Variants in PHKB observed in about 807,000 individuals in gnomAD.
PHKB encodes the protein phosphorylase kinase regulatory subunit beta.
PHKB carries 122 observed loss-of-function variants against 152.1 expected under a neutral mutation model. That is an observed-to-expected ratio of 0.80 (90% CI 0.69 to 0.93). The LOEUF (loss-of-function observed/expected upper bound fraction) is 0.93, where lower values mean the gene tolerates loss of function less well. Among genes scored for constraint, PHKB ranks in the 40% least tolerant of loss-of-function variants. The pLI is 0.00. For missense variants in PHKB, 1,304 were observed against 1,328.4 expected (o/e 0.98, Z 0.29); for synonymous variants, 436 against 464.9 (o/e 0.94, Z 0.80).
chr16:47,579,948 A>C (rs1341777576), intron 7 of PHKB, among the ~76,000 whole-genome samples: 2 of 152,118 alleles, frequency 1.3e-5, no homozygotes, highest in African/African-American at 2.4e-5. Flanking sequence ...ATTTCCTGCT[A>C]ATTACTGCAC....
chr16:47,631,838 G>A (rs559118185), intron 14 of PHKB, among the ~76,000 whole-genome samples: 12 of 152,156 alleles, frequency 7.9e-5, no homozygotes, highest in South Asian at 2.1e-4. Context: ...ATGGTATTCC[G>A]TGGTGTATAT....
At chr16:47,689,567 G>C (rs1405242120) in intron 27 of PHKB, among the ~76,000 whole-genome samples, 1 of 152,188 alleles carries the variant, frequency 6.6e-6, no homozygotes, top group Non-Finnish European at 1.5e-5. Context: ...TATGTTGCCT[G>C]TGACTTTGTC....
chr16:47,589,084 C>T lies in PHKB; in HGVS notation c.1050C>T (p.Tyr350=). The change falls in exon 10 of 31, where the codon TAC becomes TAT. Residue 350 remains tyrosine, a synonymous_variant. Coordinates refer to ENST00000323584, the MANE Select transcript of PHKB (RefSeq NM_000293.3). ...TGGAAGATCCCAACAGATGCTACTA[C>T]AAGCCAGCTGAAATTAAGGTATTAA... ...TSLEDPNRCY[Y]KPAEIKLFDG... 1.9e-6 allele frequency: 3 copies of T among 1,611,266 alleles called. No individual in the cohort carries two copies. The highest frequency in any genetic ancestry group is 1.7e-4 in the Middle Eastern group (1 of 6,042).
At chr16:47,539,739 G>A (rs909915064) in intron 6 of PHKB, among the ~76,000 whole-genome samples, 3 of 152,054 alleles carry the variant, frequency 2.0e-5, no homozygotes. Context: ...GATTTCATGG[G>A]CATTTATCAC....
At chr16:47,678,329 C>T (rs1973775891) in intron 26 of PHKB, among the ~76,000 whole-genome samples, 2 of 152,232 alleles carry the variant, frequency 1.3e-5, no homozygotes, top group Admixed American at 1.3e-4. Context: ...GTTCTAGATC[C>T]CTGAGGAATC....
At chr16:47,631,934 T>C (rs184703376) in intron 14 of PHKB, among the ~76,000 whole-genome samples, 2 of 152,332 alleles carry the variant, frequency 1.3e-5, no homozygotes, top group Admixed American at 1.3e-4. Context: ...AGTTCAACCA[T>C]TGAGGAAGTC....
intron 14 of PHKB, among the ~76,000 whole-genome samples, chr16:47,627,215 T>G (rs1011305998): frequency 1.3e-5 from 2 of 152,228 alleles, no homozygotes; most frequent in African/African-American, 4.8e-5. Context: ...CTGTTGTGTT[T>G]CTATGGCGTT....
chr16:47,563,644 C>A (rs1971513916), intron 7 of PHKB, among the ~76,000 whole-genome samples: 1 of 152,048 alleles, frequency 6.6e-6, no homozygotes, highest in African/African-American at 2.4e-5. Flanking sequence ...ACCCTACTTT[C>A]TTTTTTTCTT....
At chr16:47,649,726 C>T (rs1018460833) in intron 18 of PHKB, among the ~76,000 whole-genome samples, 3 of 151,818 alleles carry the variant, frequency 2.0e-5, no homozygotes, top group African/African-American at 4.8e-5. Flanking sequence ...TGTTCTTGGG[C>T]AAGTTACTTA....
intron 4 of PHKB, among the ~76,000 whole-genome samples, chr16:47,504,508 T>C (rs1239528294): frequency 6.6e-6 from 1 of 152,232 alleles, no homozygotes; most frequent in Non-Finnish European, 1.5e-5. Context: ...TGTCCACATA[T>C]CAGCCAAGGG....
At chr16:47,515,706 T>G in intron 6 of PHKB, 105 bp downstream of exon 6, 1 of 692,228 alleles carries the variant, frequency 1.4e-6, no homozygotes. Context: ...AATGTATTCC[T>G]GTTACATTTA....
At chr16:47,688,599 G>T (rs1017707974) in intron 26 of PHKB, among the ~76,000 whole-genome samples, 12 of 151,264 alleles carry the variant, frequency 7.9e-5, no homozygotes, top group African/African-American at 2.9e-4. Flanking sequence ...AAAAGCTTGA[G>T]ATTTCAGAGA....
At chr16:47,663,572 C>A in intron 23 of PHKB, 105 bp from the exon 24 acceptor site, 1 of 861,390 alleles carries the variant, frequency 1.2e-6, no homozygotes, top group South Asian at 1.4e-5. Flanking sequence ...ATCGATGTAT[C>A]AACTCTAGTG....
At chr16:47,549,261 T>A (rs1205297135) in intron 7 of PHKB, among the ~76,000 whole-genome samples, 1 of 152,244 alleles carries the variant, frequency 6.6e-6, no homozygotes, top group Non-Finnish European at 1.5e-5. Context: ...AGATGATTTT[T>A]AAAATTTACC....
chr16:47,644,354 C>A (rs570801120), intron 16 of PHKB, among the ~76,000 whole-genome samples: 1 of 152,226 alleles, frequency 6.6e-6, no homozygotes, highest in East Asian at 1.9e-4. Context: ...GTTGCTCCCT[C>A]ATTCATCTAT....
intron 1 of PHKB, among the ~76,000 whole-genome samples, chr16:47,485,722 C>T (rs562601871): frequency 1.3e-5 from 2 of 152,174 alleles, no homozygotes; most frequent in South Asian, 2.1e-4. Flanking sequence ...TGGGCTCAAG[C>T]GATCCTCCCA....
intron 6 of PHKB, among the ~76,000 whole-genome samples, chr16:47,546,503 G>T (rs1251658936): frequency 5.9e-5 from 9 of 152,160 alleles, no homozygotes; most frequent in Non-Finnish European, 1.0e-4. Flanking sequence ...GCACCCAGCT[G>T]TATGAGGTGT....
At chr16:47,599,050 T>A in intron 13 of PHKB, 1 of 634,794 alleles carries the variant, frequency 1.6e-6, no homozygotes, top group Non-Finnish European at 2.7e-6. Context: ...TTTCTTAGAA[T>A]CAACCCAAGT....
At chr16:47,543,433 G>A (rs1490600184) in intron 6 of PHKB, among the ~76,000 whole-genome samples, 2 of 152,164 alleles carry the variant, frequency 1.3e-5, no homozygotes, top group Admixed American at 1.3e-4. Flanking sequence ...TTGCATCGAT[G>A]TTCTTCAGGG....
Sources: gnomAD v4.1 joint callset for allele counts (sites outside exome capture counted in the v4.1 genomes callset) on GRCh38, gnomAD v4.1.1 for gene constraint, MANE v1.5 for transcripts, NCBI Gene and HGNC (gene_info 2026-07-23, HGNC 2026-07-21) for gene names.